Variants in BPHL observed in about 807,000 individuals in gnomAD.
BPHL encodes the protein biphenyl hydrolase like, also known as serine hydrolase BPHL.
BPHL carries 27 observed loss-of-function variants against 31.2 expected under a neutral mutation model. The ratio of observed to expected loss-of-function variants is 0.87; its 90% CI spans 0.64 to 1.19. The LOEUF is 1.19. BPHL is among the 50% of genes most tolerant of loss of function. BPHL has a pLI of 0.00. For synonymous variants in BPHL, 150 were observed against 146.8 expected, an observed-to-expected ratio of 1.02 and a Z score of -0.16; for missense variants, 356 against 375.7, an observed-to-expected ratio of 0.95 and a Z score of 0.43.
At chr6:3,131,282 A>G (rs956755639) in intron 4 of BPHL, among the ~76,000 whole-genome samples, 1 of 151,306 alleles carries the variant, frequency 6.6e-6, no homozygotes, top group Admixed American at 6.6e-5. Flanking sequence ...AACTCTCCTC[A>G]CTGACCCCTG....
chr6:3,121,220 G>A (rs1418432998), intron 1 of BPHL, among the ~76,000 whole-genome samples: 1 of 148,338 alleles, frequency 6.7e-6, no homozygotes, highest in African/African-American at 2.5e-5. Flanking sequence ...ATACTTTATT[G>A]TAGATAATGG....
At chr6:3,126,677 T>C (rs9501926) in intron 2 of BPHL, 40,686 of 151,058 alleles carry the variant, frequency 0.27, 12,454 homozygotes, top group African/African-American at 0.75. Context: ...CAACCTCTGC[T>C]TCCCTGGTTC....
At chr6:3,131,007 T>C (rs1342318322) in intron 4 of BPHL, among the ~76,000 whole-genome samples, 1 of 152,132 alleles carries the variant, frequency 6.6e-6, no homozygotes, top group Non-Finnish European at 1.5e-5. Flanking sequence ...TAGGACAGGC[T>C]GCCTTGAGTT....
In BPHL at chr6:3,140,323, G is replaced by C; in HGVS notation, c.665-63G>C. 1.9e-6 allele frequency: 3 copies of C among 1,585,354 alleles called. No individual in the cohort carries two copies. The highest frequency in any genetic ancestry group is 2.6e-6 in the Non-Finnish European group (3 of 1,161,862). On this transcript the variant is annotated intron_variant, in intron 5 of 6. Coordinates refer to ENST00000380379, the MANE Select transcript of BPHL (RefSeq NM_004332.4). This position sits in a 1 kb window ranked among gnomAD's most constrained non-coding sequence, Gnocchi z 5.2. Reference sequence around the variant, plus strand: ...GGAGGGGCAGGGCTCGCCGAGTTTCGCCTCCTCTGACCGCGTAGAATGGTT... The same window carrying C: ...GGAGGGGCAGGGCTCGCCGAGTTTCCCCTCCTCTGACCGCGTAGAATGGTT...
At chr6:3,122,524 G>A (rs1051385123) in intron 1 of BPHL, among the ~76,000 whole-genome samples, 4 of 152,202 alleles carry the variant, frequency 2.6e-5, no homozygotes, top group East Asian at 3.9e-4. Flanking sequence ...GGCTGTCCTC[G>A]AAGAGCAGCT....
chr6:3,121,274 T>C (rs1761563345), intron 1 of BPHL, among the ~76,000 whole-genome samples: 2 of 147,436 alleles, frequency 1.4e-5, no homozygotes, highest in South Asian at 4.3e-4. Context: ...GAACATACAA[T>C]ATGATAATAG....
intron 3 of BPHL, among the ~76,000 whole-genome samples, chr6:3,128,684 G>T (rs1334531749): frequency 1.3e-5 from 2 of 152,194 alleles, no homozygotes; most frequent in Non-Finnish European, 2.9e-5. Flanking sequence ...TGTTCTCAAG[G>T]TCCTTGCTCA....
chr6:3,135,469 T>G (rs1276411891), intron 4 of BPHL, among the ~76,000 whole-genome samples: 1 of 152,262 alleles, frequency 6.6e-6, no homozygotes, highest in Non-Finnish European at 1.5e-5. Context: ...TTTAATATAT[T>G]CTGTCCAAAT....
rs1056778392 is a variant in BPHL, at chr6:3,149,854, C to T, written c.789-2634C>T. On this transcript the variant is annotated intron_variant, in intron 6 of 6. Coordinates refer to ENST00000380379, the MANE Select transcript of BPHL (RefSeq NM_004332.4). The surrounding 1 kb of genome is among the most constrained non-coding windows in gnomAD (Gnocchi z 4.6). ...ACATTGACCAGGCTGGTCTCGAACT[C>T]CTGACCTCAAGTGATCCACCTGCCT... is the stretch of plus-strand genomic sequence containing the variant. Among the ~76,000 whole-genome samples the T allele has an allele frequency of 1.3e-5, 2 of 152,174 alleles. No individual in the cohort carries two copies. The highest frequency in any genetic ancestry group is 4.8e-5 in the African/African-American group (2 of 41,450).
chr6:3,120,112 CA>C (rs1159840438), intron 1 of BPHL, among the ~76,000 whole-genome samples: 1 of 152,080 alleles, frequency 6.6e-6, no homozygotes, highest in Non-Finnish European at 1.5e-5. Context: ...TCGCTCACTG[CA>C]ACCTCTGCCT....
chr6:3,131,735 T>G (rs936014415), intron 4 of BPHL, among the ~76,000 whole-genome samples: 23 of 152,198 alleles, frequency 1.5e-4, no homozygotes, highest in African/African-American at 5.1e-4. Flanking sequence ...AAATGGCCAT[T>G]CCTGGAACAA....
chr6:3,140,425 C>T lies in BPHL; in HGVS notation c.704C>T (p.Pro235Leu), dbSNP rs766289862. 3 of 1,614,024 alleles carry T rather than the reference C, an allele frequency of 1.9e-6. No individual in the cohort carries two copies. In the African/African-American group the frequency reaches 4.0e-5, roughly 22 times the overall value. ...CRHLLPRVQCPALIVHGEKDP... is the reference protein window; with the variant it reads ...CRHLLPRVQCLALIVHGEKDP... ...CACCTGCTGCCCCGGGTCCAGTGCCCCGCCTTGATTGTGCACGGTGAGAAG... is the reference window on the plus strand; with the variant it reads ...CACCTGCTGCCCCGGGTCCAGTGCCTCGCCTTGATTGTGCACGGTGAGAAG... The change falls in exon 6 of 7, where the codon CCC (proline) becomes CTC (leucine). Residue 235 changes from proline (P) to leucine (L), a missense_variant. Transcript: ENST00000380379. This position sits in a 1 kb window ranked among gnomAD's most constrained non-coding sequence, Gnocchi z 5.2.
intron 1 of BPHL, 43 bp downstream of exon 1, chr6:3,118,890 C>T (rs553884889): frequency 8.2e-7 from 1 of 1,223,898 alleles, no homozygotes; most frequent in Non-Finnish European, 1.0e-6. Flanking sequence ...AGCATCGGCG[C>T]GCTCGAGGGG....
chr6:3,124,516 T>C (rs1201234433), intron 2 of BPHL, among the ~76,000 whole-genome samples: 1 of 152,176 alleles, frequency 6.6e-6, no homozygotes, highest in East Asian at 1.9e-4. Flanking sequence ...GATCCTCAAG[T>C]CCCTGATATA....
rs543095531 is a variant in BPHL at position 3,138,061 on chromosome 6, C to T, written c.664+568C>T. 342 of 1,148,332 alleles carry T rather than the reference C, an allele frequency of 3.0e-4. 7 individuals are homozygous for T. The South Asian group carries it at 4.2e-3, about 14-fold the overall frequency. The allele number at this position is 1,148,332 out of a possible 1,614,324, so 71.1% of individuals were successfully genotyped here. On this transcript the variant is annotated intron_variant, in intron 5 of 6. Transcript: ENST00000380379. ...TTTAGATGGAGTCTCACTCTGTCAC[C>T]AGGCTGGAATGCAATGGCATGATCT...
At chr6:3,132,907 A>G (rs984205965) in intron 4 of BPHL, among the ~76,000 whole-genome samples, 2 of 152,190 alleles carry the variant, frequency 1.3e-5, no homozygotes, top group African/African-American at 2.4e-5. Flanking sequence ...ATGTTGCCTT[A>G]TTCAACTTTT....
In BPHL at chr6:3,140,164, C is replaced by T; in HGVS notation, c.665-222C>T. On this transcript the variant is annotated intron_variant, in intron 5 of 6. Transcript: ENST00000380379. This position sits in a 1 kb window ranked among gnomAD's most constrained non-coding sequence, Gnocchi z 5.2. ...TCAGGCTGCTTATTTACTAGTAGAA[C>T]TCAGAAACAGGCAAACAAACAAGAA... 1.7e-6 allele frequency: 1 copy of T among 575,978 alleles called. No individual in the cohort carries two copies. Among genetic ancestry groups the T allele is most frequent in the Non-Finnish European group, 3.0e-6 (1 of 335,296 alleles). The allele number at this position is 575,978 out of a possible 1,614,324, so 35.7% of individuals were successfully genotyped here. A position where few individuals can be genotyped will look rare whatever the true frequency, so the allele number is the denominator to read the frequency against.
rs1057015652 is a variant in BPHL, at chr6:3,141,748, C to T, written c.788+1239C>T. Among the ~76,000 whole-genome samples the T allele has an allele frequency of 3.3e-5, 5 of 152,016 alleles. No homozygotes were observed. In the East Asian group the frequency reaches 7.8e-4, roughly 24 times the overall value. ...CAGCACTTTGGGAGGCTGAGGCAGG[C>T]GGTTCACTTGAGGCCAGGAGTTCAA... On this transcript the variant is annotated intron_variant, in intron 6 of 6. Coordinates refer to ENST00000380379, the MANE Select transcript of BPHL (RefSeq NM_004332.4).
chr6:3,124,782 C>T (rs940163979), intron 2 of BPHL, among the ~76,000 whole-genome samples: 4 of 152,098 alleles, frequency 2.6e-5, no homozygotes, highest in Non-Finnish European at 4.4e-5. Context: ...GGAAGGCTGA[C>T]TGTACTTATT....
Sources: allele counts gnomAD v4.1 joint callset (sites outside exome capture counted in the v4.1 genomes callset), GRCh38; gene constraint gnomAD v4.1.1; non-coding constraint Gnocchi (gnomAD v3.1); transcripts MANE v1.5; gene names NCBI Gene and HGNC (gene_info 2026-07-23, HGNC 2026-07-21).